DCBLD1: variants seen among roughly 807,000 people sequenced by gnomAD.
DCBLD1 encodes the protein discoidin, CUB and LCCL domain containing 1.
A neutral mutation model predicts 71.5 loss-of-function variants in DCBLD1; 57 were observed. That is an observed-to-expected ratio of 0.80 (90% confidence interval 0.64 to 0.99). DCBLD1 has a LOEUF of 0.99. Among genes scored for constraint, DCBLD1 ranks in the 50% least tolerant of loss-of-function variants. DCBLD1 has a pLI of 0.00. For synonymous variants in DCBLD1, 380 were observed against 363.8 expected (o/e 1.04, Z -0.51); for missense variants, 891 against 923.5 (o/e 0.96, Z 0.46).
intron 1 of DCBLD1, among the ~76,000 whole-genome samples, chr6:117,492,584 T>C (rs1267121069): frequency 6.6e-6 from 1 of 152,210 alleles, no homozygotes; most frequent in Admixed American, 6.5e-5. Context: ...GGTGATCACA[T>C]TTGCCATAGA....
intron 5 of DCBLD1, among the ~76,000 whole-genome samples, chr6:117,528,459 T>C (rs748307892): frequency 1.2e-4 from 18 of 152,256 alleles, no homozygotes; most frequent in Non-Finnish European, 2.2e-4. Flanking sequence ...TACTTTTTTG[T>C]TACACTTCCT....
intron 2 of DCBLD1, among the ~76,000 whole-genome samples, chr6:117,507,667 G>A (rs1458387909): frequency 6.6e-5 from 10 of 152,128 alleles, no homozygotes; most frequent in Non-Finnish European, 7.4e-5. Context: ...TTTCCAGTCT[G>A]TGATCCAATT....
At position 117,547,859 on chromosome 6, in the gene DCBLD1, C is replaced by T. The variant is rs781615333; in HGVS notation, c.1616-48C>T. 3.2e-6 allele frequency: 5 copies of T among 1,549,932 alleles called. No homozygotes were observed. In the South Asian group the frequency reaches 4.8e-5, roughly 15 times the overall value. ...GTATCCCCGTCTGCCACTGACAGGC[C>T]GGCCCGTGTGTGGTGCCCGCTAGCT... On this transcript the variant is annotated intron_variant, in intron 14 of 14. Coordinates refer to ENST00000338728, the MANE Select transcript of DCBLD1 (RefSeq NM_001366458.2).
At chr6:117,568,775 T>C (rs937703750) in intron 14 of DCBLD1, among the ~76,000 whole-genome samples, 3 of 152,198 alleles carry the variant, frequency 2.0e-5, no homozygotes, top group South Asian at 2.1e-4. Flanking sequence ...CTGGTTGATA[T>C]CAGCAAGTCT....
At position 117,538,931 on chromosome 6, in the gene DCBLD1, C is replaced by G; in HGVS notation, c.976+96C>G. On this transcript the variant is annotated intron_variant, in intron 8 of 14. Coordinates refer to ENST00000338728, the MANE Select transcript of DCBLD1 (RefSeq NM_001366458.2). ...ACGCTTATTGTTTACATAGGTGCTT[C>G]TCTACCTACCTCCAAGTTCTTGAAA... 5.0e-6 allele frequency: 6 copies of G among 1,190,746 alleles called. No individual in the cohort carries two copies. In the South Asian group the frequency reaches 9.3e-5, roughly 18 times the overall value. 73.8% of individuals were successfully genotyped at this position (1,190,746 alleles called of 1,614,324 possible). A position where few individuals can be genotyped will look rare whatever the true frequency, so the allele number is the denominator to read the frequency against.
intron 3 of DCBLD1, among the ~76,000 whole-genome samples, chr6:117,520,163 A>G (rs12665822): frequency 0.026 from 3,950 of 152,306 alleles, 78 homozygotes; most frequent in East Asian, 0.051. Flanking sequence ...CCTGGGCCAC[A>G]TTAGAAGAAG....
intron 6 of DCBLD1, among the ~76,000 whole-genome samples, chr6:117,535,147 C>A (rs1778843335): frequency 6.6e-6 from 1 of 152,134 alleles, no homozygotes; most frequent in African/African-American, 2.4e-5. Flanking sequence ...TCAGGAAAAA[C>A]CAGAGAAGGA....
intron 6 of DCBLD1, among the ~76,000 whole-genome samples, chr6:117,535,327 T>C (rs1345868490): frequency 1.3e-5 from 2 of 152,104 alleles, no homozygotes; most frequent in African/African-American, 4.8e-5. Context: ...GTGAAAACCT[T>C]CTTTCTGTTT....
chr6:117,539,489 A>G, intron 9 of DCBLD1, 110 bp downstream of exon 9: 1 of 1,278,514 alleles, frequency 7.8e-7, no homozygotes, highest in Non-Finnish European at 1.1e-6. Flanking sequence ...AGTGAGGCCA[A>G]GCATGGTGGT....
At chr6:117,563,314 T>C in intron 14 of DCBLD1, 4 of 1,613,166 alleles carry the variant, frequency 2.5e-6, no homozygotes, top group Non-Finnish European at 3.4e-6. Flanking sequence ...CACCGTCATC[T>C]AGCGGAGTTT....
At chr6:117,528,278 A>G (rs1055487650) in intron 5 of DCBLD1, among the ~76,000 whole-genome samples, 1 of 152,226 alleles carries the variant, frequency 6.6e-6, no homozygotes, top group Non-Finnish European at 1.5e-5. Flanking sequence ...AACATTATTG[A>G]CATGGTAATT....
intron 5 of DCBLD1, among the ~76,000 whole-genome samples, chr6:117,527,773 G>A (rs192407518): frequency 1.1e-4 from 16 of 152,078 alleles, no homozygotes; most frequent in African/African-American, 3.9e-4. Context: ...AGTGGAGATG[G>A]GGGTGGTCTG....
At chr6:117,542,979 C>T in intron 11 of DCBLD1, 145 bp from the exon 12 acceptor site, 5 of 668,748 alleles carry the variant, frequency 7.5e-6, no homozygotes, top group South Asian at 2.2e-5. Flanking sequence ...TTTTGCTTTC[C>T]AATATCAGTA....
chr6:117,500,862 C>CA (rs1023922791), intron 1 of DCBLD1, among the ~76,000 whole-genome samples: 13 of 151,364 alleles, frequency 8.6e-5, no homozygotes, highest in Middle Eastern at 3.4e-3. Context: ...GACTTCGTCT[C>CA]AAAAAAAACA....
chr6:117,537,660 AC>A (rs1778943658), intron 7 of DCBLD1, among the ~76,000 whole-genome samples: 2 of 48,864 alleles, frequency 4.1e-5, no homozygotes, highest in South Asian at 6.5e-4. Context: ...GTTACATAGC[AC>A]CTTTTTTTTT....
chr6:117,522,392 A>G (rs1472365716), intron 4 of DCBLD1, among the ~76,000 whole-genome samples: 1 of 152,082 alleles, frequency 6.6e-6, no homozygotes. Flanking sequence ...GTGGAGAGCC[A>G]CTAGTCTAGA....
At chr6:117,538,575 A>G in intron 7 of DCBLD1, 45 bp from the exon 8 acceptor site, 1 of 1,574,608 alleles carries the variant, frequency 6.4e-7, no homozygotes, top group Non-Finnish European at 8.6e-7. Context: ...TTTTGCTGTT[A>G]TTTTATGTCT....
intron 1 of DCBLD1, among the ~76,000 whole-genome samples, chr6:117,497,360 T>C (rs1777506435): frequency 6.6e-6 from 1 of 152,236 alleles, no homozygotes; most frequent in African/African-American, 2.4e-5. Flanking sequence ...TTTCTTTTAG[T>C]GGAACATGAT....
At chr6:117,542,304 A>AG (rs1779123555) in intron 11 of DCBLD1, among the ~76,000 whole-genome samples, 1 of 151,808 alleles carries the variant, frequency 6.6e-6, no homozygotes, top group South Asian at 2.1e-4. Context: ...AAAAAAAAAA[A>AG]AAAAGAAAAA....
Sources: allele counts gnomAD v4.1 joint callset (sites outside exome capture counted in the v4.1 genomes callset), GRCh38; gene constraint gnomAD v4.1.1; transcripts MANE v1.5; gene names NCBI Gene and HGNC (gene_info 2026-07-23, HGNC 2026-07-21).